Variants in FCHO2 observed in about 807,000 individuals in gnomAD.
The protein encoded by FCHO2 is F-BAR domain only protein 2.
In FCHO2, 43 loss-of-function variants were observed where a neutral mutation model predicts 114.1. The ratio of observed to expected loss-of-function variants is 0.38; its 90% CI spans 0.30 to 0.49. The LOEUF is 0.49. FCHO2 is among the 20% of genes least tolerant of loss of function. FCHO2 has a pLI of 0.97. For missense variants in FCHO2, 807 were observed against 950.4 expected, an observed-to-expected ratio of 0.85 and a Z score of 1.98; for synonymous variants, 293 against 315.2, an observed-to-expected ratio of 0.93 and a Z score of 0.75.
At chr5:73,030,679 C>T (rs1756189569) in intron 8 of FCHO2, among the ~76,000 whole-genome samples, 1 of 152,118 alleles carries the variant, frequency 6.6e-6, no homozygotes, top group Non-Finnish European at 1.5e-5. Flanking sequence ...GTTAAAAATG[C>T]AAATATTTGA....
intron 5 of FCHO2, among the ~76,000 whole-genome samples, chr5:73,000,768 G>A (rs1754391223): frequency 7.8e-6 from 1 of 127,442 alleles, no homozygotes; most frequent in African/African-American, 3.5e-5. Flanking sequence ...AGAGTGAAAC[G>A]CTGTCTCAAT....
At chr5:73,042,771 G>T (rs1483180728) in intron 11 of FCHO2, among the ~76,000 whole-genome samples, 1 of 152,090 alleles carries the variant, frequency 6.6e-6, no homozygotes, top group Admixed American at 6.5e-5. Flanking sequence ...TGCCTAGTAG[G>T]AAAAGGGCAT....
intron 19 of FCHO2, among the ~76,000 whole-genome samples, chr5:73,070,518 T>C (rs957302827): frequency 6.6e-6 from 1 of 151,924 alleles, no homozygotes; most frequent in Non-Finnish European, 1.5e-5. Context: ...AACTGGGACC[T>C]ACTAGAAAGC....
intron 5 of FCHO2, among the ~76,000 whole-genome samples, chr5:72,999,471 C>T (rs2112694757): frequency 6.6e-6 from 1 of 150,560 alleles, no homozygotes; most frequent in African/African-American, 2.5e-5. Context: ...CAATCTCTGC[C>T]TCCTGGATTC....
intron 2 of FCHO2, among the ~76,000 whole-genome samples, chr5:72,970,000 G>C (rs973688465): frequency 2.6e-5 from 4 of 152,098 alleles, no homozygotes; most frequent in African/African-American, 9.7e-5. Context: ...GCTGATCCCA[G>C]CTATCATTAT....
chr5:72,997,381 C>T (rs985428552), intron 5 of FCHO2: 61 of 1,590,976 alleles, frequency 3.8e-5, no homozygotes, highest in South Asian at 2.0e-4. Flanking sequence ...CGAGATACTA[C>T]GGACAGCACT....
intron 11 of FCHO2, among the ~76,000 whole-genome samples, chr5:73,045,759 C>G (rs1461916768): frequency 6.6e-6 from 1 of 152,166 alleles, no homozygotes; most frequent in Non-Finnish European, 1.5e-5. Context: ...TTCTTATAGA[C>G]AGCAGATAGT....
At chr5:73,044,406 GT>G (rs930397953) in intron 11 of FCHO2, among the ~76,000 whole-genome samples, 1 of 152,008 alleles carries the variant, frequency 6.6e-6, no homozygotes, top group Non-Finnish European at 1.5e-5. Context: ...GCCTGGCTAT[GT>G]TTTTTCATTT....
chr5:73,056,641 C>T (rs1416332564), intron 16 of FCHO2, among the ~76,000 whole-genome samples: 1 of 152,092 alleles, frequency 6.6e-6, no homozygotes, highest in Non-Finnish European at 1.5e-5. Context: ...TAAAAAAAAT[C>T]TATTTAACCA....
At chr5:73,030,431 A>G (rs544813083) in intron 8 of FCHO2, among the ~76,000 whole-genome samples, 29 of 152,268 alleles carry the variant, frequency 1.9e-4, no homozygotes, top group Non-Finnish European at 4.3e-4. Flanking sequence ...TTGAGAACCT[A>G]TAGCATCACA....
Position 73,039,908 on chromosome 5 carries a change from G to A in FCHO2, c.915-1383G>A, listed in dbSNP as rs911112969. ...ATGCCACTGAACTCCATCTAGCCTG[G>A]GTGACAGAGTAAGACTCTGTGTCAG... On this transcript the variant is annotated intron_variant, in intron 10 of 25. Coordinates refer to ENST00000430046, the MANE Select transcript of FCHO2 (RefSeq NM_138782.3). 3.4e-5 allele frequency among the ~76,000 whole-genome samples: 5 copies of A among 145,272 alleles called. No homozygotes were observed. In the Admixed American group the frequency reaches 3.4e-4, roughly 10 times the overall value.
chr5:73,084,209 A>G (rs1336746309), intron 24 of FCHO2, among the ~76,000 whole-genome samples: 1 of 152,250 alleles, frequency 6.6e-6, no homozygotes, highest in East Asian at 1.9e-4. Context: ...TTTTGAATGC[A>G]TAATTTTAGT....
chr5:73,024,067 CT>C (rs1388974042), intron 8 of FCHO2, among the ~76,000 whole-genome samples: 27 of 147,784 alleles, frequency 1.8e-4, no homozygotes, highest in South Asian at 2.1e-4. Context: ...TTTTCTTTTC[CT>C]TTTTTTTTTG....
At chr5:73,029,030 G>T (rs1182090725) in intron 8 of FCHO2, among the ~76,000 whole-genome samples, 1 of 152,120 alleles carries the variant, frequency 6.6e-6, no homozygotes, top group Non-Finnish European at 1.5e-5. Flanking sequence ...GATTGCCTTG[G>T]GAAGGGTGGA....
At chr5:73,049,948 T>C (rs1397207836) in intron 11 of FCHO2, among the ~76,000 whole-genome samples, 1 of 152,146 alleles carries the variant, frequency 6.6e-6, no homozygotes, top group African/African-American at 2.4e-5. Flanking sequence ...TGGGGTCTCA[T>C]CAGTCAGCCC....
intron 5 of FCHO2, among the ~76,000 whole-genome samples, chr5:72,998,879 C>T (rs1339631642): frequency 2.7e-5 from 4 of 149,904 alleles, no homozygotes; most frequent in African/African-American, 7.4e-5. Context: ...GGCTGGAGTG[C>T]AGTGGTGGTA....
At chr5:73,011,522 C>T (rs1230718160) in intron 6 of FCHO2, among the ~76,000 whole-genome samples, 1 of 151,916 alleles carries the variant, frequency 6.6e-6, no homozygotes, top group Non-Finnish European at 1.5e-5. Context: ...ACACAGTAAA[C>T]ATGTGCCTAC....
In FCHO2 at chr5:72,996,841, G is replaced by A. The variant is rs1371893273; in HGVS notation, c.495+5977G>A. ...GGCTGCCGTTCCCCCTCCCGGCAAC[G>A]GGGGGCTGGCGGAGCTGTGCCACGG... On this transcript the variant is annotated intron_variant, in intron 5 of 25. Transcript: ENST00000430046. 8 of 980,380 alleles carry A rather than the reference G, an allele frequency of 8.2e-6. No homozygotes were observed. In the South Asian group the frequency reaches 8.6e-5, roughly 11 times the overall value. The allele number at this position is 980,380 out of a possible 1,614,324, so 60.7% of individuals were successfully genotyped here. A position where few individuals can be genotyped will look rare whatever the true frequency, so the allele number is the denominator to read the frequency against.
chr5:72,959,783 T>C (rs2548332), intron 1 of FCHO2, among the ~76,000 whole-genome samples: 71,449 of 150,296 alleles, frequency 0.48, 18,045 homozygotes, highest in Admixed American at 0.61. Context: ...TTCTTTCTTT[T>C]TTTTTTTTTT....
Sources: gnomAD v4.1 joint callset for allele counts (sites outside exome capture counted in the v4.1 genomes callset) on GRCh38, gnomAD v4.1.1 for gene constraint, MANE v1.5 for transcripts, NCBI Gene and HGNC (gene_info 2026-07-23, HGNC 2026-07-21) for gene names.